Variants in NELL1 observed in about 807,000 individuals in gnomAD.
NELL1 encodes protein kinase C-binding protein NELL1.
In NELL1, 76 loss-of-function variants were observed where a neutral mutation model predicts 107.4. The observed-to-expected ratio is 0.71, with a 90% CI of 0.59 to 0.86. The LOEUF is 0.86. Among genes scored for constraint, NELL1 ranks in the 40% least tolerant of loss-of-function variants. The pLI, the probability that NELL1 is intolerant of heterozygous loss-of-function variation, is 0.00. For missense variants in NELL1, 1,024 were observed against 1,005.5 expected (o/e 1.02, Z -0.25); for synonymous variants, 353 against 341.2 (o/e 1.03, Z -0.38).
chr11:21,296,770 C>T (rs1348797001), intron 14 of NELL1, among the ~76,000 whole-genome samples: 1 of 151,680 alleles, frequency 6.6e-6, no homozygotes, highest in African/African-American at 2.4e-5. Flanking sequence ...TGAAAAGTGG[C>T]TCTGGGTTGG....
At chr11:21,114,308 A>G (rs1444436504) in intron 13 of NELL1, among the ~76,000 whole-genome samples, 1 of 151,984 alleles carries the variant, frequency 6.6e-6, no homozygotes, top group Non-Finnish European at 1.5e-5. Context: ...TATATTTTCA[A>G]TCATGTACAT....
At chr11:20,897,833 G>A (rs1234130856) in intron 5 of NELL1, among the ~76,000 whole-genome samples, 1 of 152,094 alleles carries the variant, frequency 6.6e-6, no homozygotes, top group Non-Finnish European at 1.5e-5. Context: ...ATCATCCCTG[G>A]CCATCAGAGA....
intron 12 of NELL1, among the ~76,000 whole-genome samples, chr11:21,043,833 T>C (rs1356411921): frequency 6.6e-6 from 1 of 152,166 alleles, no homozygotes; most frequent in Non-Finnish European, 1.5e-5. Context: ...CAGGGATCAC[T>C]CCAGGGTTTC....
At chr11:21,333,604 C>A (rs10833509) in intron 14 of NELL1, among the ~76,000 whole-genome samples, 42,347 of 151,922 alleles carry the variant, frequency 0.28, 6,008 homozygotes, top group Admixed American at 0.38. Flanking sequence ...CCCATCGATA[C>A]ATCTCTTTCC....
intron 13 of NELL1, among the ~76,000 whole-genome samples, chr11:21,197,413 A>C (rs1381338697): frequency 4.7e-5 from 1 of 21,294 alleles, no homozygotes; most frequent in African/African-American, 1.8e-4. Flanking sequence ...AAAGAAACAA[A>C]CAACCAAAAA....
chr11:21,432,093 G>A (rs1444162614), intron 15 of NELL1, among the ~76,000 whole-genome samples: 2 of 152,104 alleles, frequency 1.3e-5, no homozygotes, highest in African/African-American at 4.8e-5. Context: ...TAAAATGAAA[G>A]TCATTTTAGT....
chr11:21,116,895 C>A (rs1565068505), intron 13 of NELL1, among the ~76,000 whole-genome samples: 1 of 152,008 alleles, frequency 6.6e-6, no homozygotes, highest in Non-Finnish European at 1.5e-5. Flanking sequence ...AATCATACAA[C>A]TCTACTTAAA....
intron 16 of NELL1, 126 bp downstream of exon 16, chr11:21,534,640 C>A: frequency 2.0e-6 from 2 of 996,116 alleles, no homozygotes; most frequent in South Asian, 1.7e-5. Context: ...CATCAGTTTT[C>A]AAATTTTCTC....
rs552949315 is a variant in NELL1 at position 21,298,944 on chromosome 11, C to T, written c.1549+69490C>T. Reference sequence around the variant, plus strand: ...TCCTGTGAGGCTATTTTGTATTTGTCTAGAGCACTCCAGAAGTGGGCAACT... The same window carrying T: ...TCCTGTGAGGCTATTTTGTATTTGTTTAGAGCACTCCAGAAGTGGGCAACT... On this transcript the variant is annotated intron_variant, in intron 14 of 19. Transcript: ENST00000357134. Among the ~76,000 whole-genome samples the T allele has an allele frequency of 2.2e-4, 33 of 152,064 alleles. No homozygotes were observed. The South Asian group carries it at 2.3e-3, about 11-fold the overall frequency.
At chr11:21,470,604 A>G (rs532943475) in intron 15 of NELL1, among the ~76,000 whole-genome samples, 1 of 152,256 alleles carries the variant, frequency 6.6e-6, no homozygotes, top group South Asian at 2.1e-4. Context: ...TAGTCTGTGC[A>G]TATCTGCAAC....
intron 12 of NELL1, among the ~76,000 whole-genome samples, chr11:21,043,067 G>A (rs1466882579): frequency 2.6e-5 from 4 of 152,140 alleles, no homozygotes; most frequent in African/African-American, 9.7e-5. Context: ...TGGTGGAAAA[G>A]GGGGCATGGC....
At chr11:21,156,687 C>T (rs1042137997) in intron 13 of NELL1, among the ~76,000 whole-genome samples, 14 of 151,816 alleles carry the variant, frequency 9.2e-5, no homozygotes, top group African/African-American at 2.9e-4. Context: ...TTATTTTTGT[C>T]GAGGTCAAAA....
chr11:21,492,261 A>C lies in NELL1; in HGVS notation c.1646-42113A>C, dbSNP rs909748538. Among the ~76,000 whole-genome samples the C allele has an allele frequency of 1.2e-4, 19 of 152,054 alleles. 1 individual carries two copies. Among genetic ancestry groups the C allele is most frequent in the Non-Finnish European group, 2.5e-4 (17 of 67,984 alleles). Reference sequence around the variant, plus strand: ...CAGGAAACAACAGGTGCTGGAGAGGATGTGGAGAAATAGGAACACTTTTAC... The same window carrying C: ...CAGGAAACAACAGGTGCTGGAGAGGCTGTGGAGAAATAGGAACACTTTTAC... On this transcript the variant is annotated intron_variant, in intron 15 of 19. Transcript: ENST00000357134.
At chr11:21,229,821 C>T (rs1857996406) in intron 14 of NELL1, among the ~76,000 whole-genome samples, 1 of 152,168 alleles carries the variant, frequency 6.6e-6, no homozygotes, top group African/African-American at 2.4e-5. Flanking sequence ...CTTGAGGTAT[C>T]TGCTTGGGTA....
chr11:20,743,460 AGTT>A (rs913377565), intron 2 of NELL1, among the ~76,000 whole-genome samples: 3 of 152,184 alleles, frequency 2.0e-5, no homozygotes, highest in East Asian at 1.9e-4. Flanking sequence ...TCTAGACATG[AGTT>A]GTTGTAACAA....
intron 13 of NELL1, among the ~76,000 whole-genome samples, chr11:21,160,455 G>T (rs1215953955): frequency 6.6e-6 from 1 of 152,102 alleles, no homozygotes; most frequent in East Asian, 1.9e-4. Context: ...TCAGTGTGGG[G>T]TATGTTTTAA....
chr11:21,130,784 A>T (rs1027441890), intron 13 of NELL1, among the ~76,000 whole-genome samples: 1 of 152,168 alleles, frequency 6.6e-6, no homozygotes, highest in Non-Finnish European at 1.5e-5. Context: ...GTTAGTTGGC[A>T]GTATGTTCTT....
At chr11:21,569,966 CA>C (rs1276204430) in intron 17 of NELL1, among the ~76,000 whole-genome samples, 1 of 151,632 alleles carries the variant, frequency 6.6e-6, no homozygotes, top group Non-Finnish European at 1.5e-5. Context: ...AAATTTTCAG[CA>C]ATGAAGAACA....
chr11:20,913,537 A>C (rs1300382044), intron 5 of NELL1, among the ~76,000 whole-genome samples: 1 of 152,140 alleles, frequency 6.6e-6, no homozygotes, highest in Non-Finnish European at 1.5e-5. Context: ...TCTAGGAATA[A>C]TAGAAATAAT....
Sources: gnomAD v4.1 joint callset for allele counts (sites outside exome capture counted in the v4.1 genomes callset) on GRCh38, gnomAD v4.1.1 for gene constraint, MANE v1.5 for transcripts, NCBI Gene and HGNC (gene_info 2026-07-23, HGNC 2026-07-21) for gene names.